The following SZRD1 variants were observed in gnomAD, a reference collection of about 807,000 sequenced individuals.
SZRD1 encodes SUZ RNA binding domain containing 1.
SZRD1 carries 7 observed loss-of-function variants against 17.6 expected under a neutral mutation model. The ratio of observed to expected loss-of-function variants is 0.40; its 90% CI spans 0.23 to 0.75. The LOEUF (loss-of-function observed/expected upper bound fraction) is 0.75, where lower values mean the gene tolerates loss of function less well. Among genes scored for constraint, SZRD1 ranks in the 30% least tolerant of loss-of-function variants. The pLI, the probability that SZRD1 is intolerant of heterozygous loss-of-function variation, is 0.38. For missense variants in SZRD1, 178 were observed against 201.8 expected (o/e 0.88, Z 0.71); for synonymous variants, 77 against 77.9 (o/e 0.99, Z 0.06).
In SZRD1 at chr1:16,396,734, C is replaced by T. The variant is rs1011400139; in HGVS notation, c.*1594C>T. ...CAAGCTGAGTCTCACAGGCTCACTC[C>T]CTCGTTGGTTCCCTGTGGGAATGGT... On this transcript the variant is annotated 3_prime_UTR_variant, in exon 4 of 4. Coordinates refer to ENST00000401088, the MANE Select transcript of SZRD1 (RefSeq NM_001114600.3). The T allele has an allele frequency of 3.3e-5, 5 of 152,368 alleles. No homozygotes were observed. The highest frequency in any genetic ancestry group is 2.0e-4 in the Admixed American group (3 of 15,276). The allele number at this position is 152,368 out of a possible 1,614,324, so 9.4% of individuals were successfully genotyped here.
Position 16,395,140 on chromosome 1 carries a change from A to G in SZRD1, c.459A>G (p.Ter153=). 1.9e-6 allele frequency: 3 copies of G among 1,609,080 alleles called. No individual in the cohort carries two copies. The highest frequency in any genetic ancestry group is 2.6e-6 in the Non-Finnish European group (3 of 1,175,372). The change falls in exon 4 of 4, where the codon TAA becomes TAG. Residue 153 remains the stop codon, a stop_retained_variant. Transcript: ENST00000401088. ...CTCAAGGCTTCAAACAGCGCAGATA[A>G]ATGCAGGCAAGAAAAGATGCCGCCG... ...DGSQGFKQRR[*] is the part of the protein sequence containing the mutation.
chr1:16,371,493 G>A (rs2082913222), intron 1 of SZRD1, among the ~76,000 whole-genome samples: 1 of 123,480 alleles, frequency 8.1e-6, no homozygotes, highest in African/African-American at 3.2e-5. Flanking sequence ...ATGGAGTCTT[G>A]CTCTGTCGCC....
Position 16,391,816 on chromosome 1 carries a change from C to T in SZRD1, c.101+392C>T, listed in dbSNP as rs1367376723. Among the ~76,000 whole-genome samples, 1 of 151,904 alleles carries T rather than the reference C, an allele frequency of 6.6e-6. No individual in the cohort carries two copies. Among genetic ancestry groups the T allele is most frequent in the Non-Finnish European group, 1.5e-5 (1 of 67,986 alleles). On this transcript the variant is annotated intron_variant, in intron 2 of 3. Coordinates refer to ENST00000401088, the MANE Select transcript of SZRD1 (RefSeq NM_001114600.3). The surrounding 1 kb of genome is among the most constrained non-coding windows in gnomAD (Gnocchi z 4.3). ...TGTGGGCAGATGATTTCTCTGGGTC[C>T]CCAGTGACTTGGTGGTCTAGGGTAT...
intron 1 of SZRD1, among the ~76,000 whole-genome samples, chr1:16,382,627 T>G (rs995556192): frequency 1.3e-5 from 2 of 151,766 alleles, no homozygotes; most frequent in African/African-American, 4.8e-5. Flanking sequence ...CCCGAGCAGC[T>G]GGGATTACAG....
At chr1:16,386,355 G>A (rs568149132) in intron 1 of SZRD1, among the ~76,000 whole-genome samples, 1 of 152,334 alleles carries the variant, frequency 6.6e-6, no homozygotes, top group South Asian at 2.1e-4. Flanking sequence ...GTTCCCTTAG[G>A]TAGTACGATT....
At chr1:16,373,579 C>CAA (rs551574637) in intron 1 of SZRD1, among the ~76,000 whole-genome samples, 23 of 61,102 alleles carry the variant, frequency 3.8e-4, no homozygotes, top group Admixed American at 3.9e-4. Flanking sequence ...AACTCCGTCT[C>CAA]AAAAAAAAAA....
At chr1:16,376,185 A>G (rs905352631) in intron 1 of SZRD1, among the ~76,000 whole-genome samples, 1 of 152,040 alleles carries the variant, frequency 6.6e-6, no homozygotes, top group African/African-American at 2.4e-5. Context: ...CTGAGCCCAC[A>G]CTCTGAGGGA....
rs1278551683 is a variant in SZRD1, at chr1:16,391,356, A to G, written c.52-19A>G. ...GAGAGAGATTTTTTCCTCTTTTTAT[A>G]TACATTTTTTTCCTCTAGGAAATAG... is the stretch of plus-strand genomic sequence containing the variant. On this transcript the variant is annotated intron_variant, in intron 1 of 3. Coordinates refer to ENST00000401088, the MANE Select transcript of SZRD1 (RefSeq NM_001114600.3). This position sits in a 1 kb window ranked among gnomAD's most constrained non-coding sequence, Gnocchi z 4.3. The G allele has an allele frequency of 2.0e-6, 3 of 1,520,754 alleles. No individual in the cohort carries two copies. The highest frequency in any genetic ancestry group is 8.9e-7 in the Non-Finnish European group (1 of 1,122,026). 94.2% of individuals were successfully genotyped at this position (1,520,754 alleles called of 1,614,324 possible). A position where few individuals can be genotyped will look rare whatever the true frequency, so the allele number is the denominator to read the frequency against.
chr1:16,395,339 C>T lies in SZRD1; in HGVS notation c.*199C>T. On this transcript the variant is annotated 3_prime_UTR_variant, in exon 4 of 4. Transcript: ENST00000401088. ...ACCTCCCCCCTTCTCCCCCTTCCCA[C>T]TGTGATTGGCACATCGACAAGGGCT... is the stretch of plus-strand genomic sequence containing the variant. The T allele has an allele frequency of 1.6e-6, 1 of 612,038 alleles. No individual in the cohort carries two copies. Among genetic ancestry groups the T allele is most frequent in the South Asian group, 1.8e-5 (1 of 55,186 alleles). The allele number at this position is 612,038 out of a possible 1,614,324, so 37.9% of individuals were successfully genotyped here.
chr1:16,390,211 GC>G (rs1181178581), intron 1 of SZRD1, among the ~76,000 whole-genome samples: 1 of 152,224 alleles, frequency 6.6e-6, no homozygotes, highest in Non-Finnish European at 1.5e-5. Context: ...CCGTAGGGCA[GC>G]CAAGCAGCCT....
At chr1:16,387,416 C>A (rs1415589075) in intron 1 of SZRD1, 1 of 447,630 alleles carries the variant, frequency 2.2e-6, no homozygotes, top group Non-Finnish European at 4.5e-6. Context: ...GCTCTCGCAG[C>A]GATATGAAAG....
At chr1:16,390,669 A>C (rs1183097114) in intron 1 of SZRD1, 1 of 152,256 alleles carries the variant, frequency 6.6e-6, no homozygotes, top group East Asian at 1.9e-4. Flanking sequence ...AACAGTAAAA[A>C]ATACATTATT....
At chr1:16,377,440 C>T (rs760205378) in intron 1 of SZRD1, among the ~76,000 whole-genome samples, 14 of 151,588 alleles carry the variant, frequency 9.2e-5, no homozygotes, top group South Asian at 8.3e-4. Flanking sequence ...AAAAAATGAG[C>T]GGGACGTGGT....
At position 16,398,053 on chromosome 1, in the gene SZRD1, C is replaced by T; in HGVS notation, c.*2913C>T. The stretch of plus-strand genomic sequence containing the variant: ...ACTCTGCTGGTGTAGCGGGCAGCTG[C>T]CCACTCCCACCCCACCCTGCACCGC... On this transcript the variant is annotated 3_prime_UTR_variant, in exon 4 of 4. Transcript: ENST00000401088. The T allele has an allele frequency of 1.1e-6, 1 of 887,236 alleles. No homozygotes were observed. Among genetic ancestry groups the T allele is most frequent in the Non-Finnish European group, 1.4e-6 (1 of 740,450 alleles). The allele number at this position is 887,236 out of a possible 1,614,324, so 55.0% of individuals were successfully genotyped here.
chr1:16,370,939 C>T (rs1380090238), intron 1 of SZRD1, among the ~76,000 whole-genome samples: 1 of 152,214 alleles, frequency 6.6e-6, no homozygotes, highest in Non-Finnish European at 1.5e-5. Flanking sequence ...ATGTCCACAT[C>T]ACTGGGAAAC....
At chr1:16,378,352 C>G (rs2083038312) in intron 1 of SZRD1, among the ~76,000 whole-genome samples, 2 of 140,710 alleles carry the variant, frequency 1.4e-5, no homozygotes, top group Admixed American at 7.7e-5. Flanking sequence ...GTGGTGTGAT[C>G]AGCTCACTGC....
At chr1:16,371,704 G>A (rs1253848863) in intron 1 of SZRD1, among the ~76,000 whole-genome samples, 2 of 149,912 alleles carry the variant, frequency 1.3e-5, no homozygotes, top group Non-Finnish European at 3.0e-5. Flanking sequence ...CTCGTGATCC[G>A]CCCGCCTCGG....
Position 16,395,255 on chromosome 1 carries a change from T to G in SZRD1, c.*115T>G, listed in dbSNP as rs762623816. 5.3e-6 allele frequency: 4 copies of G among 760,942 alleles called. No homozygotes were observed. Among genetic ancestry groups the G allele is most frequent in the African/African-American group, 5.1e-5 (3 of 58,270 alleles). The allele number at this position is 760,942 out of a possible 1,614,324, so 47.1% of individuals were successfully genotyped here. ...CTTGAGCAGAGGGAACGACCTGACT[T>G]ACTTGCACTGTGATCCCCCTTGCTC... On this transcript the variant is annotated 3_prime_UTR_variant, in exon 4 of 4. Transcript: ENST00000401088.
chr1:16,377,296 A>AT (rs1557623916), intron 1 of SZRD1, among the ~76,000 whole-genome samples: 1 of 152,100 alleles, frequency 6.6e-6, no homozygotes, highest in Admixed American at 6.6e-5. Flanking sequence ...TGCAGTCATT[A>AT]TAAAAGGTAG....
Sources: allele counts gnomAD v4.1 joint callset (sites outside exome capture counted in the v4.1 genomes callset), GRCh38; gene constraint gnomAD v4.1.1; non-coding constraint Gnocchi (gnomAD v3.1); transcripts MANE v1.5; gene names NCBI Gene and HGNC (gene_info 2026-07-23, HGNC 2026-07-21).